NOTCH2: variants seen among roughly 807,000 people sequenced by gnomAD.
The protein encoded by NOTCH2 is notch receptor 2.
Under a neutral mutation model 235.8 loss-of-function variants are expected in NOTCH2, and 29 were observed. The observed-to-expected ratio is 0.12, with a 90% CI of 0.09 to 0.17. NOTCH2 has a LOEUF of 0.17. NOTCH2 is among the 10% of genes least tolerant of loss of function. The pLI is 1.00. For missense variants in NOTCH2, 2,285 were observed against 3,150.2 expected (o/e 0.73, Z 6.57); for synonymous variants, 1,086 against 1,141.5 (o/e 0.95, Z 0.98).
At chr1:119,974,276 C>G (rs1244893085) in intron 5 of NOTCH2, among the ~76,000 whole-genome samples, 4 of 152,216 alleles carry the variant, frequency 2.6e-5, no homozygotes, top group Non-Finnish European at 5.9e-5. Flanking sequence ...GGCAAGTTTT[C>G]AAGAGCAATA....
chr1:119,957,829 AACACACACACACACACACACAC>A (rs3222739), intron 12 of NOTCH2, among the ~76,000 whole-genome samples: 38 of 116,500 alleles, frequency 3.3e-4, no homozygotes, highest in Admixed American at 4.7e-4. Flanking sequence ...GCCTTATATA[AACACACACACACACACACACAC>A]ACACACACAC....
chr1:120,027,061 C>A (rs1553210099), intron 2 of NOTCH2, among the ~76,000 whole-genome samples: 1 of 144,806 alleles, frequency 6.9e-6, no homozygotes, highest in East Asian at 2.1e-4. Flanking sequence ...AGGCCATTCT[C>A]CTGCCTCAGC....
chr1:120,037,552 GA>G (rs376829137), intron 1 of NOTCH2, among the ~76,000 whole-genome samples: 24,219 of 148,338 alleles, frequency 0.16, 2,237 homozygotes, highest in African/African-American at 0.31. Flanking sequence ...ATCAAGCCAT[GA>G]AAAAAAAATC....
chr1:119,913,443 C>T lies in NOTCH2; in HGVS notation c.*1863G>A, dbSNP rs891965982. On this transcript the variant is annotated 3_prime_UTR_variant, in exon 34 of 34. Coordinates refer to ENST00000256646, the MANE Select transcript of NOTCH2 (RefSeq NM_024408.4). ...GAACTGTCATTCAAACCAAAAGAGT[C>T]GGGAATTCACCTGTTAATATCTACA... 1 of 233,166 alleles carries T rather than the reference C, an allele frequency of 4.3e-6. No individual in the cohort carries two copies. Among genetic ancestry groups the T allele is most frequent in the Admixed American group, 5.6e-5 (1 of 17,778 alleles). The allele number at this position is 233,166 out of a possible 1,614,324, so 14.4% of individuals were successfully genotyped here. A position where few individuals can be genotyped will look rare whatever the true frequency, so the allele number is the denominator to read the frequency against.
chr1:119,923,268 T>A (rs114483110), intron 26 of NOTCH2, among the ~76,000 whole-genome samples: 1 of 152,184 alleles, frequency 6.6e-6, no homozygotes, highest in Non-Finnish European at 1.5e-5. Flanking sequence ...CAACTGAAGA[T>A]CATTACCTGT....
chr1:119,984,983 G>A (rs1012808417), intron 5 of NOTCH2, among the ~76,000 whole-genome samples: 5 of 152,108 alleles, frequency 3.3e-5, no homozygotes, highest in African/African-American at 1.2e-4. Context: ...AAACCCTAGA[G>A]AAAAGGAATG....
rs1655337740 is a variant in NOTCH2, at chr1:120,061,895, TG to T, written c.73+7438del. 3.7e-5 allele frequency among the ~76,000 whole-genome samples: 3 copies of T among 81,638 alleles called. No individual in the cohort carries two copies. The Admixed American group carries it at 3.8e-4, about 10-fold the overall frequency. 53.6% of individuals were successfully genotyped at this position (81,638 alleles called of 152,430 possible). A position where few individuals can be genotyped will look rare whatever the true frequency, so the allele number is the denominator to read the frequency against. On this transcript the variant is annotated intron_variant, in intron 1 of 33. Transcript: ENST00000256646. Reference sequence around the variant, plus strand: ...GCCAGAGGACCCGGGGTACCATGGCTGGAGCGACGTAGCTGGCTGGAAATGC... The same window carrying T: ...GCCAGAGGACCCGGGGTACCATGGCTGAGCGACGTAGCTGGCTGGAAATGC...
At chr1:119,973,717 G>T (rs1651458111) in intron 5 of NOTCH2, among the ~76,000 whole-genome samples, 1 of 152,132 alleles carries the variant, frequency 6.6e-6, no homozygotes, top group South Asian at 2.1e-4. Context: ...AGATATTTGA[G>T]TGGGAAAAGT....
chr1:120,028,472 T>C (rs1174990543), intron 2 of NOTCH2, among the ~76,000 whole-genome samples: 2 of 152,076 alleles, frequency 1.3e-5, no homozygotes, highest in Non-Finnish European at 2.9e-5. Context: ...AAAAACTAAA[T>C]GAGCAGCCCA....
intron 8 of NOTCH2, 98 bp downstream of exon 8, chr1:119,967,335 G>T (rs1332960200): frequency 7.3e-6 from 8 of 1,092,770 alleles, no homozygotes; most frequent in Non-Finnish European, 1.1e-5. Context: ...AATGCTGACA[G>T]AGCTCATCAG....
At chr1:119,938,579 T>C (rs1189282930) in intron 19 of NOTCH2, among the ~76,000 whole-genome samples, 1 of 152,210 alleles carries the variant, frequency 6.6e-6, no homozygotes, top group African/African-American at 2.4e-5. Flanking sequence ...CTAACCAATA[T>C]GGCAGGCTTG....
At position 120,069,521 on chromosome 1, in the gene NOTCH2, C is replaced by G. The variant is rs1486157040; in HGVS notation, c.-115G>C. 2.8e-6 allele frequency: 4 copies of G among 1,440,120 alleles called. No homozygotes were observed. The East Asian group carries it at 1.1e-4, about 39-fold the overall frequency. The allele number at this position is 1,440,120 out of a possible 1,614,324, so 89.2% of individuals were successfully genotyped here. A position where few individuals can be genotyped will look rare whatever the true frequency, so the allele number is the denominator to read the frequency against. ...TCCTCCCCTCCTCCTGCTTCAAAGGCTCAGGCCCTGGCGCTACGCTCCGAA... is the reference window on the plus strand; with the variant it reads ...TCCTCCCCTCCTCCTGCTTCAAAGGGTCAGGCCCTGGCGCTACGCTCCGAA... On this transcript the variant is annotated 5_prime_UTR_variant, in exon 1 of 34. Coordinates refer to ENST00000256646, the MANE Select transcript of NOTCH2 (RefSeq NM_024408.4).
chr1:119,932,213 A>G (rs1358300470), intron 22 of NOTCH2, among the ~76,000 whole-genome samples: 1 of 152,156 alleles, frequency 6.6e-6, no homozygotes. Flanking sequence ...TGCCTGCAAG[A>G]TAACTGAAAT....
chr1:120,023,184 T>C (rs1485068733), intron 2 of NOTCH2, among the ~76,000 whole-genome samples: 1 of 151,820 alleles, frequency 6.6e-6, no homozygotes, highest in East Asian at 1.9e-4. Context: ...ACGCCTGTAA[T>C]CCCAGCACTT....
At chr1:119,955,869 A>G (rs1553198320) in intron 12 of NOTCH2, among the ~76,000 whole-genome samples, 1 of 152,208 alleles carries the variant, frequency 6.6e-6, no homozygotes, top group Admixed American at 6.5e-5. Flanking sequence ...CTGCAGACCT[A>G]TGGTTCTTAA....
intron 1 of NOTCH2, among the ~76,000 whole-genome samples, chr1:120,066,059 A>T (rs1225798790): frequency 1.3e-5 from 2 of 151,854 alleles, no homozygotes; most frequent in African/African-American, 2.4e-5. Flanking sequence ...AGAGGTGGAG[A>T]ATTTATTATA....
chr1:120,069,295 C>G, intron 1 of NOTCH2, 39 bp downstream of exon 1: 3 of 1,535,952 alleles, frequency 2.0e-6, no homozygotes, highest in Non-Finnish European at 2.6e-6. Context: ...GGTGGCAGCC[C>G]CGGGCGCCGC....
At chr1:120,003,189 A>G (rs1201499019) in intron 3 of NOTCH2, among the ~76,000 whole-genome samples, 1 of 152,224 alleles carries the variant, frequency 6.6e-6, no homozygotes, top group Non-Finnish European at 1.5e-5. Context: ...CTAGCCTCCC[A>G]GCCTACATCT....
chr1:119,978,317 G>GAGTT (rs1308871947), intron 5 of NOTCH2, among the ~76,000 whole-genome samples: 1 of 152,106 alleles, frequency 6.6e-6, no homozygotes, highest in African/African-American at 2.4e-5. Context: ...GCTGGAGAGG[G>GAGTT]AGTTACATGC....
Sources: gnomAD v4.1 joint callset for allele counts (sites outside exome capture counted in the v4.1 genomes callset) on GRCh38, gnomAD v4.1.1 for gene constraint, MANE v1.5 for transcripts, NCBI Gene and HGNC (gene_info 2026-07-23, HGNC 2026-07-21) for gene names.